Variants in TMEM269 observed in about 807,000 individuals in gnomAD.
TMEM269 encodes the protein transmembrane protein 269.
A neutral mutation model predicts 15.8 loss-of-function variants in TMEM269; 12 were observed. The observed-to-expected ratio is 0.76, with a 90% confidence interval of 0.49 to 1.23. TMEM269 has a LOEUF of 1.23. TMEM269 is among the 50% of genes most tolerant of loss of function. The pLI, the probability that TMEM269 is intolerant of heterozygous loss-of-function variation, is 0.00. For synonymous variants in TMEM269, 93 were observed against 99.3 expected, an observed-to-expected ratio of 0.94 and a Z score of 0.38; for missense variants, 211 against 245.4, an observed-to-expected ratio of 0.86 and a Z score of 0.94.
intron 2 of TMEM269, among the ~76,000 whole-genome samples, chr1:42,791,379 C>A (rs1653682595): frequency 6.6e-6 from 1 of 152,066 alleles, no homozygotes; most frequent in African/African-American, 2.4e-5. Context: ...TCTCAGACAA[C>A]ATGGAAATGA....
At chr1:42,786,861 C>A (rs567018828) in intron 1 of TMEM269, among the ~76,000 whole-genome samples, 1 of 152,334 alleles carries the variant, frequency 6.6e-6, no homozygotes, top group African/African-American at 2.4e-5. Context: ...CCCTTACTCT[C>A]AATTCCACAT....
chr1:42,789,880 T>C lies in TMEM269; in HGVS notation c.-14T>C, dbSNP rs1318998393. 10 of 1,550,882 alleles carry C rather than the reference T, an allele frequency of 6.4e-6. No homozygotes were observed. Among genetic ancestry groups the C allele is most frequent in the Non-Finnish European group, 8.7e-6 (10 of 1,147,078 alleles). On this transcript the variant is annotated 5_prime_UTR_variant, in exon 2 of 6. Transcript: ENST00000637012. ...TCCTGGAAGGATGTTACCAGTGCCT[T>C]ATCTCTGGCCAACATGGTGCTGGGG... is the stretch of plus-strand genomic sequence containing the variant.
chr1:42,787,778 G>A (rs1027532986), intron 1 of TMEM269, among the ~76,000 whole-genome samples: 7 of 152,220 alleles, frequency 4.6e-5, no homozygotes, highest in Non-Finnish European at 8.8e-5. Flanking sequence ...GTAGCACAGA[G>A]GCAGCAGCAA....
chr1:42,792,219 G>T (rs1653698968), intron 2 of TMEM269, among the ~76,000 whole-genome samples: 1 of 152,096 alleles, frequency 6.6e-6, no homozygotes, highest in Admixed American at 6.6e-5. Flanking sequence ...ATATTAAAAG[G>T]ATAATAAAGG....
chr1:42,792,834 T>C lies in TMEM269; in HGVS notation c.71T>C (p.Leu24Pro). ...TGCCACTATGCCTCCCGGATGCTCC[T>C]GGTCAGCTTCCTGTTAGACATGGCA... ...RKCHYASRML[L>P]VSFLLDMAVR... The change falls in exon 3 of 6, where the codon CTG becomes CCG. Residue 24 changes from leucine (L) to proline (P), a missense_variant. Transcript: ENST00000637012. 1 of 1,550,644 alleles carries C rather than the reference T, an allele frequency of 6.4e-7. No individual in the cohort carries two copies. Among genetic ancestry groups the C allele is most frequent in the Non-Finnish European group, 8.7e-7 (1 of 1,147,014 alleles).
Position 42,788,744 on chromosome 1 carries a change from G to A in TMEM269, c.-98-1052G>A, listed in dbSNP as rs1359189235. On this transcript the variant is annotated intron_variant, in intron 1 of 5. Transcript: ENST00000637012. The surrounding 1 kb of genome is among the most constrained non-coding windows in gnomAD (Gnocchi z 4.0). ...ATTTAGAATCAAACAGATGGGATTT[G>A]GTTCTACTTACCATGTGACTTTGAG... 2.0e-5 allele frequency among the ~76,000 whole-genome samples: 3 copies of A among 152,106 alleles called. No individual in the cohort carries two copies. Among genetic ancestry groups the A allele is most frequent in the Admixed American group, 6.5e-5 (1 of 15,268 alleles).
In TMEM269 at chr1:42,797,987, C is replaced by A; in HGVS notation, c.485-111C>A. The A allele has an allele frequency of 8.2e-7, 1 of 1,214,002 alleles. No individual in the cohort carries two copies. Among genetic ancestry groups the A allele is most frequent in the Non-Finnish European group, 1.2e-6 (1 of 843,776 alleles). 75.2% of individuals were successfully genotyped at this position (1,214,002 alleles called of 1,614,324 possible). ...TGTCTCTTTCTGTTTGTTTCTTAGG[C>A]ACTGTGGGTGAAAAGTAAAGAATGG... On this transcript the variant is annotated intron_variant, in intron 5 of 5. Transcript: ENST00000637012. The surrounding 1 kb of genome is among the most constrained non-coding windows in gnomAD (Gnocchi z 4.9).
At chr1:42,786,600 C>G (rs1049887863) in intron 1 of TMEM269, among the ~76,000 whole-genome samples, 2 of 152,256 alleles carry the variant, frequency 1.3e-5, no homozygotes, top group African/African-American at 4.8e-5. Flanking sequence ...CACCTGCAGT[C>G]TCGTGCTGTG....
Position 42,792,919 on chromosome 1 carries a change from G to A in TMEM269, c.139+17G>A, listed in dbSNP as rs1469540380. On this transcript the variant is annotated intron_variant, in intron 3 of 5. Coordinates refer to ENST00000637012, the MANE Select transcript of TMEM269 (RefSeq NM_001354602.2). ...CCAAATTGGGTGAGTTCAGGCCCCA[G>A]GCCCCTAATCCTTGCCCCCAGTAGC... 1.1e-5 allele frequency: 17 copies of A among 1,541,074 alleles called. No individual in the cohort carries two copies. Among genetic ancestry groups the A allele is most frequent in the Non-Finnish European group, 1.5e-5 (17 of 1,138,848 alleles).
chr1:42,796,917 C>T (rs1375829217), intron 5 of TMEM269: 1 of 151,998 alleles, frequency 6.6e-6, no homozygotes, highest in Non-Finnish European at 1.5e-5. Context: ...CTCATACTCT[C>T]TTTGTCCTCT....
Position 42,788,487 on chromosome 1 carries a change from C to G in TMEM269, c.-98-1309C>G, listed in dbSNP as rs115069617. Among the ~76,000 whole-genome samples, 1,017 of 152,140 alleles carry G rather than the reference C, an allele frequency of 6.7e-3. 4 individuals carry two copies. The highest frequency in any genetic ancestry group is 0.024 in the African/African-American group (977 of 41,506). ...TGAGTGTAAGGTGTACAAATGTGGTCTTAGAGTAAAAACAGAGACAAGACA... is the reference window on the plus strand; with the variant it reads ...TGAGTGTAAGGTGTACAAATGTGGTGTTAGAGTAAAAACAGAGACAAGACA... On this transcript the variant is annotated intron_variant, in intron 1 of 5. Transcript: ENST00000637012. This position sits in a 1 kb window ranked among gnomAD's most constrained non-coding sequence, Gnocchi z 4.0.
intron 3 of TMEM269, 114 bp from the exon 4 acceptor site, chr1:42,793,487 C>A: frequency 9.2e-7 from 1 of 1,083,648 alleles, no homozygotes; most frequent in Non-Finnish European, 1.3e-6. Context: ...GCAGCTGTTG[C>A]TTTCTGTGAC....
chr1:42,789,578 C>T (rs1570503684), intron 1 of TMEM269: 1 of 1,375,690 alleles, frequency 7.3e-7, no homozygotes, highest in East Asian at 2.5e-5. Flanking sequence ...TTCACCCACT[C>T]TGCTGTTGAG....
At chr1:42,789,246 T>C (rs1417765806) in intron 1 of TMEM269, 3 of 591,226 alleles carry the variant, frequency 5.1e-6, no homozygotes, top group Non-Finnish European at 9.1e-6. Flanking sequence ...TAATCTGCCG[T>C]CTCTTTCCTT....
rs1324326796 is a variant in TMEM269 at position 42,797,376 on chromosome 1, T to C, written c.485-722T>C. Among the ~76,000 whole-genome samples, 1 of 152,188 alleles carries C rather than the reference T, an allele frequency of 6.6e-6. No individual in the cohort carries two copies. Among genetic ancestry groups the C allele is most frequent in the Non-Finnish European group, 1.5e-5 (1 of 68,042 alleles). The stretch of plus-strand genomic sequence containing the variant: ...AGTCACACGAGATGCACTTAATTCC[T>C]CAGCACTGAATTGTGATAATACAAT... On this transcript the variant is annotated intron_variant, in intron 5 of 5. Transcript: ENST00000637012. The surrounding 1 kb of genome is among the most constrained non-coding windows in gnomAD (Gnocchi z 4.9).
Position 42,798,522 on chromosome 1 carries a change from C to T in TMEM269, c.*297C>T, listed in dbSNP as rs563040702. The T allele has an allele frequency of 1.2e-5, 4 of 346,840 alleles. No homozygotes were observed. The highest frequency in any genetic ancestry group is 6.2e-5 in the African/African-American group (3 of 48,496). The allele number at this position is 346,840 out of a possible 1,614,324, so 21.5% of individuals were successfully genotyped here. On this transcript the variant is annotated 3_prime_UTR_variant, in exon 6 of 6. Coordinates refer to ENST00000637012, the MANE Select transcript of TMEM269 (RefSeq NM_001354602.2). ...TTTGGGTTCCAGCTCCATTACCAGC[C>T]GGGTGACTGTGTGCTACTAAGGTCC...
chr1:42,797,795 G>T lies in TMEM269; in HGVS notation c.485-303G>T, dbSNP rs1042864968. On this transcript the variant is annotated intron_variant, in intron 5 of 5. Transcript: ENST00000637012. This position sits in a 1 kb window ranked among gnomAD's most constrained non-coding sequence, Gnocchi z 4.9. ...TTTTTTTTCCTAACAAGGGTTTTTGGTTTTTGTCTTGGTTTGTTTTGTTTT... is the reference window on the plus strand; with the variant it reads ...TTTTTTTTCCTAACAAGGGTTTTTGTTTTTTGTCTTGGTTTGTTTTGTTTT... 1.3e-5 allele frequency: 7 copies of T among 540,690 alleles called. No homozygotes were observed. The highest frequency in any genetic ancestry group is 2.2e-5 in the Non-Finnish European group (6 of 274,180). The allele number at this position is 540,690 out of a possible 1,614,324, so 33.5% of individuals were successfully genotyped here.
chr1:42,796,277 C>T (rs535897752), intron 5 of TMEM269, among the ~76,000 whole-genome samples: 73 of 152,182 alleles, frequency 4.8e-4, no homozygotes, highest in Non-Finnish European at 6.8e-4. Context: ...CCCCTCTTCT[C>T]AAAATAAACC....
In TMEM269 at chr1:42,792,839, AG is replaced by A. The variant is rs761975780; in HGVS notation, c.77del (p.Ser26ThrfsTer4). On this transcript the variant is annotated frameshift_variant, in exon 3 of 6. Coordinates refer to ENST00000637012, the MANE Select transcript of TMEM269 (RefSeq NM_001354602.2). LOFTEE classifies it high-confidence loss of function. Reference sequence around the variant, plus strand: ...CTATGCCTCCCGGATGCTCCTGGTCAGCTTCCTGTTAGACATGGCAGTCAGG... The same window carrying A: ...CTATGCCTCCCGGATGCTCCTGGTCACTTCCTGTTAGACATGGCAGTCAGG... The part of the protein sequence containing the change: ...CHYASRMLLV[S>X]FLLDMAVRAM... 5 of 1,550,576 alleles carry A rather than the reference AG, an allele frequency of 3.2e-6. No individual in the cohort carries two copies. The South Asian group carries it at 5.9e-5, about 18-fold the overall frequency.
Sources: allele counts gnomAD v4.1 joint callset (sites outside exome capture counted in the v4.1 genomes callset), GRCh38; gene constraint gnomAD v4.1.1; non-coding constraint Gnocchi (gnomAD v3.1); transcripts MANE v1.5; gene names NCBI Gene and HGNC (gene_info 2026-07-23, HGNC 2026-07-21).